ANXA8: variants seen among roughly 807,000 people sequenced by gnomAD.
ANXA8 encodes annexin A8.
In ANXA8, 9 loss-of-function variants were observed where a neutral mutation model predicts 26.8. That is an observed-to-expected ratio of 0.34 (90% confidence interval 0.20 to 0.59). The LOEUF is 0.59. ANXA8 is among the 20% of genes least tolerant of loss of function. The probability of loss-of-function intolerance (pLI) is 0.84; values close to 1 mark genes in which losing one functional copy is unlikely to be tolerated. For synonymous variants in ANXA8, 39 were observed against 94.8 expected, an observed-to-expected ratio of 0.41 and a Z score of 3.42; for missense variants, 83 against 238.5, an observed-to-expected ratio of 0.35 and a Z score of 4.29.
At chr10:47,668,891 C>G in the ANXA8 span, among the ~76,000 whole-genome samples, 2 of 151,330 alleles carry the variant, frequency 1.3e-5, no homozygotes, top group Non-Finnish European at 2.9e-5. Context: ...CTGGGGCACC[C>G]TTCATGTCAG....
chr10:47,653,374 T>A, the ANXA8 span, among the ~76,000 whole-genome samples: 1 of 151,146 alleles, frequency 6.6e-6, no homozygotes, highest in East Asian at 2.0e-4. Flanking sequence ...TAACAATAGC[T>A]ATATTATGAC....
the ANXA8 span, among the ~76,000 whole-genome samples, chr10:47,605,680 TA>T: frequency 7.3e-5 from 11 of 149,976 alleles, no homozygotes; most frequent in Non-Finnish European, 1.5e-4. Flanking sequence ...AGCAGTACAA[TA>T]AAAAATAAAG....
chr10:47,684,311 C>CA, the ANXA8 span, among the ~76,000 whole-genome samples: 1 of 152,210 alleles, frequency 6.6e-6, no homozygotes, highest in Admixed American at 6.5e-5. Context: ...CTCACATACT[C>CA]ACAACTCCTA....
At chr10:47,491,781 C>G in the ANXA8 span, 21 of 1,472,440 alleles carry the variant, frequency 1.4e-5, no homozygotes, top group African/African-American at 4.3e-5. Flanking sequence ...AGCCCTCACC[C>G]CAGCCCAGTA....
the ANXA8 span, among the ~76,000 whole-genome samples, chr10:47,769,263 T>A: frequency 6.7e-6 from 1 of 150,184 alleles, no homozygotes; most frequent in Non-Finnish European, 1.5e-5. Flanking sequence ...AGGTAAGGCA[T>A]CTTACGAGAC....
At chr10:47,476,539 C>A (rs1247508801) in intron 4 of ANXA8, among the ~76,000 whole-genome samples, 2 of 121,340 alleles carry the variant, frequency 1.6e-5, no homozygotes, top group Non-Finnish European at 3.5e-5. Context: ...CCCTCCTTAG[C>A]TGGGTGGTCT....
chr10:47,941,570 C>T, the ANXA8 span, among the ~76,000 whole-genome samples: 3,218 of 146,762 alleles, frequency 0.022, 509 homozygotes, highest in African/African-American at 0.08. Flanking sequence ...ACCAGGATTG[C>T]TTGAACCCTC....
At chr10:47,954,162 T>G in the ANXA8 span, among the ~76,000 whole-genome samples, 23 of 150,390 alleles carry the variant, frequency 1.5e-4, no homozygotes, top group Admixed American at 1.5e-3. Context: ...AATAGACAAA[T>G]GGATAAAGAA....
the ANXA8 span, among the ~76,000 whole-genome samples, chr10:47,619,199 T>C: frequency 2.6e-5 from 3 of 113,362 alleles, 1 homozygote; most frequent in Admixed American, 1.9e-4. Context: ...GTGCAAAGAA[T>C]ACTCTGTAAT....
At chr10:47,489,873 C>T in the ANXA8 span, among the ~76,000 whole-genome samples, 5 of 147,752 alleles carry the variant, frequency 3.4e-5, no homozygotes, top group African/African-American at 5.1e-5. Flanking sequence ...GGTGCCACCC[C>T]CAGCCAGGAC....
chr10:47,755,685 AT>A, the ANXA8 span, among the ~76,000 whole-genome samples: 10 of 137,278 alleles, frequency 7.3e-5, no homozygotes, highest in African/African-American at 2.8e-4. Flanking sequence ...TAATTATTGT[AT>A]TTTTAGTAGA....
At chr10:47,991,525 C>T in the ANXA8 span, among the ~76,000 whole-genome samples, 69 of 149,612 alleles carry the variant, frequency 4.6e-4, no homozygotes, top group Middle Eastern at 3.4e-3. Context: ...TGTTTCTTCT[C>T]GGCCCCTTCC....
the ANXA8 span, among the ~76,000 whole-genome samples, chr10:47,775,329 C>G: frequency 6.7e-6 from 1 of 148,458 alleles, no homozygotes; most frequent in Non-Finnish European, 1.5e-5. Flanking sequence ...GCCGAGATTG[C>G]GCCACTGCAC....
At chr10:47,561,219 A>AT in the ANXA8 span, among the ~76,000 whole-genome samples, 14 of 151,900 alleles carry the variant, frequency 9.2e-5, no homozygotes, top group Admixed American at 5.2e-4. Flanking sequence ...AATAATTATC[A>AT]TTTTTTCTGG....
chr10:47,933,560 C>T, the ANXA8 span, among the ~76,000 whole-genome samples: 2 of 34,116 alleles, frequency 5.9e-5, 1 homozygote, highest in East Asian at 6.4e-4. Flanking sequence ...GCTCCCAGGT[C>T]CAGAGGAGAT....
the ANXA8 span, among the ~76,000 whole-genome samples, chr10:47,670,530 C>T: frequency 6.6e-6 from 1 of 152,050 alleles, no homozygotes; most frequent in Non-Finnish European, 1.5e-5. Context: ...ACACTGTTTT[C>T]CATTAAAAAC....
chr10:47,488,591 C>A (rs1171184153), upstream of ANXA8, among the ~76,000 whole-genome samples: 2 of 150,550 alleles, frequency 1.3e-5, no homozygotes, highest in African/African-American at 2.5e-5. Context: ...AAATGTAAGT[C>A]CTTCATCTAC....
At chr10:47,646,137 T>G in the ANXA8 span, among the ~76,000 whole-genome samples, 5 of 148,652 alleles carry the variant, frequency 3.4e-5, no homozygotes, top group Admixed American at 2.7e-4. Flanking sequence ...TCTGTCTCTA[T>G]CTCTATCTCT....
At chr10:47,586,871 G>A in the ANXA8 span, among the ~76,000 whole-genome samples, 2 of 146,142 alleles carry the variant, frequency 1.4e-5, no homozygotes, top group South Asian at 4.2e-4. Context: ...TTTTGAGCAG[G>A]GGGTCACTGA....
Sources: allele counts gnomAD v4.1 joint callset (sites outside exome capture counted in the v4.1 genomes callset), GRCh38; gene constraint gnomAD v4.1.1; transcripts MANE v1.5; gene names NCBI Gene and HGNC (gene_info 2026-07-23, HGNC 2026-07-21).